Variants in CNOT4 observed in about 807,000 individuals in gnomAD.
CNOT4 encodes CCR4-NOT transcription complex subunit 4.
In CNOT4, 8 loss-of-function variants were observed where a neutral mutation model predicts 73.8. That is an observed-to-expected ratio of 0.11 (90% confidence interval 0.06 to 0.20). The LOEUF (loss-of-function observed/expected upper bound fraction) is 0.20, where lower values mean the gene tolerates loss of function less well. CNOT4 is among the 10% of genes least tolerant of loss of function. The pLI, the probability that CNOT4 is intolerant of heterozygous loss-of-function variation, is 1.00. For missense variants in CNOT4, 564 were observed against 883.4 expected (o/e 0.64, Z 4.58); for synonymous variants, 293 against 321.1 (o/e 0.91, Z 0.94).
intron 3 of CNOT4, among the ~76,000 whole-genome samples, chr7:135,418,880 T>C (rs1319418289): frequency 6.6e-6 from 1 of 152,202 alleles, no homozygotes; most frequent in East Asian, 1.9e-4. Flanking sequence ...AAAAGCTGTG[T>C]AATTTCCTTT....
rs949546368 is a variant in CNOT4 at position 135,449,149 on chromosome 7, T to C, written c.-92-10726A>G. ...AAGACAAAGTATACGATGCTGGTCA[T>C]ATAAATTTCAACAAAGGAAACTATA... is the stretch of plus-strand genomic sequence containing the variant. On this transcript the variant is annotated intron_variant, in intron 1 of 11. Transcript: ENST00000541284. Among the ~76,000 whole-genome samples, 3 of 152,284 alleles carry C rather than the reference T, an allele frequency of 2.0e-5. No individual in the cohort carries two copies. In the South Asian group the frequency reaches 6.2e-4, roughly 32 times the overall value.
At chr7:135,389,137 TTAGATTA>T in intron 10 of CNOT4, among the ~76,000 whole-genome samples, 1 of 140,288 alleles carries the variant, frequency 7.1e-6, no homozygotes, top group Non-Finnish European at 1.5e-5. Flanking sequence ...TACAATAGAT[TTAGATTA>T]TAAACATACT....
At chr7:135,500,661 A>T (rs1803899057) in intron 1 of CNOT4, among the ~76,000 whole-genome samples, 1 of 152,192 alleles carries the variant, frequency 6.6e-6, no homozygotes, top group Admixed American at 6.5e-5. Context: ...ACCTTTATTC[A>T]TCCTTAAAGG....
intron 3 of CNOT4, 54 bp downstream of exon 3, chr7:135,422,102 G>T: frequency 9.6e-7 from 1 of 1,044,084 alleles, no homozygotes; most frequent in South Asian, 1.3e-5. Flanking sequence ...TTATTTCCAA[G>T]TAAGACAAGG....
At chr7:135,453,594 C>G (rs923947185) in intron 1 of CNOT4, among the ~76,000 whole-genome samples, 1 of 151,176 alleles carries the variant, frequency 6.6e-6, no homozygotes, top group African/African-American at 2.4e-5. Flanking sequence ...TACAGTAAGA[C>G]AGAATTCATA....
intron 3 of CNOT4, among the ~76,000 whole-genome samples, chr7:135,417,385 C>CT (rs902992291): frequency 1.3e-5 from 2 of 152,100 alleles, no homozygotes; most frequent in African/African-American, 4.8e-5. Context: ...AATTACTTTC[C>CT]TTTTATTCCT....
chr7:135,434,097 A>G (rs1025736716), intron 2 of CNOT4, among the ~76,000 whole-genome samples: 2 of 152,162 alleles, frequency 1.3e-5, no homozygotes, highest in Non-Finnish European at 2.9e-5. Flanking sequence ...TCTTCAGATC[A>G]TCTCAATATG....
intron 2 of CNOT4, among the ~76,000 whole-genome samples, chr7:135,432,144 A>G (rs930936548): frequency 9.9e-5 from 15 of 152,234 alleles, no homozygotes; most frequent in Admixed American, 9.2e-4. Flanking sequence ...GAGCATATGG[A>G]TAGATATAAT....
At chr7:135,463,172 C>T (rs369525345) in intron 1 of CNOT4, among the ~76,000 whole-genome samples, 21 of 152,206 alleles carry the variant, frequency 1.4e-4, no homozygotes, top group African/African-American at 4.3e-4. Flanking sequence ...AATGCTGGAC[C>T]GCTACCTTAT....
At chr7:135,458,508 C>T (rs1800683245) in intron 1 of CNOT4, among the ~76,000 whole-genome samples, 1 of 152,058 alleles carries the variant, frequency 6.6e-6, no homozygotes, top group South Asian at 2.1e-4. Context: ...TTCTCTGTAG[C>T]ATGTGATACT....
intron 1 of CNOT4, among the ~76,000 whole-genome samples, chr7:135,495,233 G>C (rs970532913): frequency 1.3e-5 from 2 of 151,740 alleles, no homozygotes; most frequent in African/African-American, 4.8e-5. Flanking sequence ...AATACGAAAA[G>C]TTGGCTCACG....
At chr7:135,414,533 A>G in intron 4 of CNOT4, 101 bp from the exon 5 acceptor site, 2 of 620,032 alleles carry the variant, frequency 3.2e-6, no homozygotes, top group Non-Finnish European at 5.8e-6. Flanking sequence ...CCTGACTACT[A>G]CTATTACTAA....
intron 8 of CNOT4, 40 bp from the exon 9 acceptor site, chr7:135,395,923 TAC>T: frequency 7.1e-7 from 1 of 1,399,148 alleles, no homozygotes; most frequent in Non-Finnish European, 1.0e-6. Flanking sequence ...TACATGTTTA[TAC>T]ATTTTAATAA....
chr7:135,404,379 A>G (rs1428241395), intron 7 of CNOT4, among the ~76,000 whole-genome samples: 1 of 152,196 alleles, frequency 6.6e-6, no homozygotes, highest in Non-Finnish European at 1.5e-5. Flanking sequence ...TCTATCTAGA[A>G]GTATCAGCAG....
At chr7:135,467,653 A>G (rs1005884003) in intron 1 of CNOT4, among the ~76,000 whole-genome samples, 1 of 152,162 alleles carries the variant, frequency 6.6e-6, no homozygotes, top group African/African-American at 2.4e-5. Flanking sequence ...TGAGGATGCA[A>G]TGAGCTATGA....
chr7:135,477,596 G>A (rs909534588), intron 1 of CNOT4, among the ~76,000 whole-genome samples: 5 of 152,054 alleles, frequency 3.3e-5, no homozygotes, highest in African/African-American at 1.2e-4. Flanking sequence ...TTCACTTTAC[G>A]TGACACTGCA....
chr7:135,425,372 T>A (rs1798435432), intron 2 of CNOT4, among the ~76,000 whole-genome samples: 1 of 152,144 alleles, frequency 6.6e-6, no homozygotes, highest in Non-Finnish European at 1.5e-5. Context: ...ACAAAAAAAT[T>A]GAGGGAGAGT....
intron 2 of CNOT4, among the ~76,000 whole-genome samples, chr7:135,437,437 C>T (rs1183679097): frequency 1.3e-5 from 2 of 151,942 alleles, no homozygotes; most frequent in African/African-American, 4.8e-5. Context: ...GATCCGCCTG[C>T]CTCAGCCTCC....
intron 1 of CNOT4, among the ~76,000 whole-genome samples, chr7:135,452,689 G>A (rs1206666932): frequency 6.6e-6 from 1 of 152,130 alleles, no homozygotes; most frequent in Non-Finnish European, 1.5e-5. Context: ...TGTATAATGA[G>A]AAAAACTATA....
Sources: allele counts gnomAD v4.1 joint callset (sites outside exome capture counted in the v4.1 genomes callset), GRCh38; gene constraint gnomAD v4.1.1; transcripts MANE v1.5; gene names NCBI Gene and HGNC (gene_info 2026-07-23, HGNC 2026-07-21).